The following ARHGAP15 variants were observed in gnomAD, a reference collection of about 807,000 sequenced individuals.
ARHGAP15 encodes the protein rho GTPase-activating protein 15.
In ARHGAP15, 51 loss-of-function variants were observed where a neutral mutation model predicts 63.7. The observed-to-expected ratio is 0.80, with a 90% CI of 0.64 to 1.01. The LOEUF is 1.01. Among genes scored for constraint, ARHGAP15 ranks in the 50% least tolerant of loss-of-function variants. ARHGAP15 has a pLI of 0.00. For missense variants in ARHGAP15, 560 were observed against 564.6 expected, an observed-to-expected ratio of 0.99 and a Z score of 0.08; for synonymous variants, 191 against 193.8, an observed-to-expected ratio of 0.99 and a Z score of 0.12.
At chr2:143,357,023 CA>C (rs1685840116) in intron 6 of ARHGAP15, among the ~76,000 whole-genome samples, 1 of 152,184 alleles carries the variant, frequency 6.6e-6, no homozygotes, top group Non-Finnish European at 1.5e-5. Context: ...TCTGCTTTCT[CA>C]ACCGGTCAGC....
intron 11 of ARHGAP15, among the ~76,000 whole-genome samples, chr2:143,582,132 T>C (rs1016836123): frequency 7.9e-5 from 12 of 152,186 alleles, no homozygotes; most frequent in African/African-American, 2.9e-4. Context: ...ATACCTTGCC[T>C]CTGTGTATTT....
At chr2:143,738,844 C>T (rs549795773) in intron 13 of ARHGAP15, among the ~76,000 whole-genome samples, 4 of 152,258 alleles carry the variant, frequency 2.6e-5, no homozygotes, top group East Asian at 1.9e-4. Context: ...ACAAAAGACA[C>T]TCTGGTTGGT....
chr2:143,700,755 A>G (rs1272210199), intron 12 of ARHGAP15, among the ~76,000 whole-genome samples: 1 of 152,132 alleles, frequency 6.6e-6, no homozygotes, highest in Non-Finnish European at 1.5e-5. Context: ...ATTAGCTTCA[A>G]ACGGTTGGAT....
chr2:143,535,206 A>C (rs923715816), intron 10 of ARHGAP15, among the ~76,000 whole-genome samples: 1 of 152,238 alleles, frequency 6.6e-6, no homozygotes, highest in Middle Eastern at 3.4e-3. Flanking sequence ...GGATAATAGC[A>C]ACCACTCTTT....
intron 6 of ARHGAP15, among the ~76,000 whole-genome samples, chr2:143,363,346 C>A (rs9989904): frequency 0.11 from 17,012 of 152,022 alleles, 1,196 homozygotes; most frequent in African/African-American, 0.2. Flanking sequence ...ATGAGACCAG[C>A]CTTGCTAACA....
chr2:143,160,927 C>T (rs529424844), intron 2 of ARHGAP15, among the ~76,000 whole-genome samples: 3 of 152,050 alleles, frequency 2.0e-5, no homozygotes, highest in South Asian at 2.1e-4. Context: ...GTGGCTGCAC[C>T]GTTTCCATCT....
At chr2:143,556,089 G>A (rs1335247636) in intron 10 of ARHGAP15, among the ~76,000 whole-genome samples, 2 of 152,052 alleles carry the variant, frequency 1.3e-5, no homozygotes, top group South Asian at 2.1e-4. Context: ...ATACACAAAC[G>A]TCTGGAGGTT....
At chr2:143,266,776 TAAATA>T (rs1344908980) in intron 6 of ARHGAP15, among the ~76,000 whole-genome samples, 1 of 152,052 alleles carries the variant, frequency 6.6e-6, no homozygotes, top group African/African-American at 2.4e-5. Context: ...AAATAAAAGA[TAAATA>T]AAAATAAGTT....
At chr2:143,386,525 G>A (rs1397107055) in intron 6 of ARHGAP15, among the ~76,000 whole-genome samples, 1 of 152,030 alleles carries the variant, frequency 6.6e-6, no homozygotes, top group Non-Finnish European at 1.5e-5. Flanking sequence ...GGCTCTTCAG[G>A]TAAAGCAAAA....
At chr2:143,384,751 ACAAT>A (rs1200861707) in intron 6 of ARHGAP15, among the ~76,000 whole-genome samples, 2 of 152,156 alleles carry the variant, frequency 1.3e-5, no homozygotes, top group African/African-American at 4.8e-5. Context: ...AAGTAAACTC[ACAAT>A]CAGAGACATG....
At chr2:143,675,530 A>T (rs1682782217) in intron 12 of ARHGAP15, among the ~76,000 whole-genome samples, 1 of 152,192 alleles carries the variant, frequency 6.6e-6, no homozygotes, top group African/African-American at 2.4e-5. Flanking sequence ...TTGAAAGTGA[A>T]AATTACTCCT....
At chr2:143,741,519 A>G (rs1685963418) in intron 13 of ARHGAP15, among the ~76,000 whole-genome samples, 1 of 152,250 alleles carries the variant, frequency 6.6e-6, no homozygotes, top group African/African-American at 2.4e-5. Context: ...GCCTTTTTTG[A>G]AAAGGATGAA....
At chr2:143,446,038 G>A (rs1037068761) in intron 8 of ARHGAP15, among the ~76,000 whole-genome samples, 19 of 151,706 alleles carry the variant, frequency 1.3e-4, no homozygotes, top group African/African-American at 4.6e-4. Flanking sequence ...ATTTGAGTCT[G>A]AGAGTCAGAA....
chr2:143,131,851 G>C (rs1688929347), intron 1 of ARHGAP15, among the ~76,000 whole-genome samples: 1 of 152,152 alleles, frequency 6.6e-6, no homozygotes, highest in Non-Finnish European at 1.5e-5. Context: ...AGACTTTAGA[G>C]GGAGAGTGTT....
chr2:143,219,587 G>A (rs1300713517), intron 4 of ARHGAP15, among the ~76,000 whole-genome samples: 1 of 152,170 alleles, frequency 6.6e-6, no homozygotes, highest in Non-Finnish European at 1.5e-5. Flanking sequence ...CAGGAGTACA[G>A]GATTGCTCAG....
intron 6 of ARHGAP15, among the ~76,000 whole-genome samples, chr2:143,414,269 A>C (rs979526363): frequency 2.7e-4 from 41 of 151,894 alleles, no homozygotes; most frequent in African/African-American, 8.9e-4. Flanking sequence ...TGATCAATAA[A>C]ACTGAAAAGC....
At chr2:143,634,052 T>A (rs758810309) in intron 12 of ARHGAP15, among the ~76,000 whole-genome samples, 1 of 152,148 alleles carries the variant, frequency 6.6e-6, no homozygotes, top group Non-Finnish European at 1.5e-5. Context: ...CATTTCATTT[T>A]GAGAAAAATC....
chr2:143,240,044 C>A (rs1439736287), intron 5 of ARHGAP15, among the ~76,000 whole-genome samples: 1 of 134,424 alleles, frequency 7.4e-6, no homozygotes, highest in Non-Finnish European at 1.5e-5. Context: ...ACATGGTGGT[C>A]ATGCACCTGT....
chr2:143,398,750 G>GT (rs1687874829), intron 6 of ARHGAP15, among the ~76,000 whole-genome samples: 1 of 145,834 alleles, frequency 6.9e-6, no homozygotes, highest in Non-Finnish European at 1.5e-5. Flanking sequence ...ATAATCAATT[G>GT]TTTATAATAA....
Sources: gnomAD v4.1 joint callset for allele counts (sites outside exome capture counted in the v4.1 genomes callset) on GRCh38, gnomAD v4.1.1 for gene constraint, MANE v1.5 for transcripts, NCBI Gene and HGNC (gene_info 2026-07-23, HGNC 2026-07-21) for gene names.